Variants in ATP8B1 observed in about 807,000 individuals in gnomAD.
ATP8B1 encodes ATPase phospholipid transporting 8B1.
ATP8B1 carries 80 observed loss-of-function variants against 149.9 expected under a neutral mutation model. The ratio of observed to expected loss-of-function variants is 0.53; its 90% CI spans 0.45 to 0.64. ATP8B1 has a LOEUF of 0.64. Ranked by LOEUF, ATP8B1 falls within the 30% of genes least tolerant of loss-of-function variation. ATP8B1 has a pLI of 0.00. For synonymous variants in ATP8B1, 536 were observed against 562.8 expected, an observed-to-expected ratio of 0.95 and a Z score of 0.67; for missense variants, 1,247 against 1,552.6, an observed-to-expected ratio of 0.80 and a Z score of 3.31.
intron 20 of ATP8B1, among the ~76,000 whole-genome samples, chr18:57,664,782 TC>T (rs1342667541): frequency 6.6e-6 from 1 of 152,132 alleles, no homozygotes; most frequent in Non-Finnish European, 1.5e-5. Context: ...AATAAGGAAA[TC>T]AAGCCAGAGG....
chr18:57,771,249 C>T (rs980941098), intron 1 of ATP8B1, among the ~76,000 whole-genome samples: 2 of 152,206 alleles, frequency 1.3e-5, no homozygotes, highest in Non-Finnish European at 2.9e-5. Flanking sequence ...TATATCACAA[C>T]CACCTCCTAA....
intron 2 of ATP8B1, among the ~76,000 whole-genome samples, chr18:57,727,970 C>T (rs1312230038): frequency 6.6e-6 from 1 of 152,152 alleles, no homozygotes; most frequent in Non-Finnish European, 1.5e-5. Flanking sequence ...TAAAGTTACT[C>T]CACTCGAACC....
rs1256839040 is a variant in ATP8B1 at position 57,691,991 on chromosome 18, C to A, written c.1036G>T (p.Val346Phe). 4.3e-6 allele frequency: 7 copies of A among 1,612,518 alleles called. No homozygotes were observed. The highest frequency in any genetic ancestry group is 5.9e-6 in the Non-Finnish European group (7 of 1,179,386). ...CCAGCAGAAAGCAGAATAAGAACAA[C>A]AAAGATCTAGAAGACAGAAAACATT... ...LMNYMVYTIF[V>F]VLILLSAGLA... Residue 346 changes from valine to phenylalanine, a missense_variant, in exon 12 of 28, where the codon GTT (valine) becomes TTT (phenylalanine). Val to Phe is a conservative substitution (Grantham distance 50). Coordinates refer to ENST00000648908, the MANE Select transcript of ATP8B1 (RefSeq NM_001374385.1).
At chr18:57,659,943 C>T (rs1229802114) in intron 22 of ATP8B1, 1 of 152,188 alleles carries the variant, frequency 6.6e-6, no homozygotes, top group African/African-American at 2.4e-5. Flanking sequence ...GGTAATACTT[C>T]AGCTCAGTGA....
In ATP8B1 at chr18:57,664,130, C is replaced by A. The variant is rs541820560; in HGVS notation, c.2286-1515G>T. On this transcript the variant is annotated intron_variant, in intron 20 of 27. Coordinates refer to ENST00000648908, the MANE Select transcript of ATP8B1 (RefSeq NM_001374385.1). Reference sequence around the variant, plus strand: ...TTTTACTATGTCTCGATTCATCCACCATGGGGGTACCATGTAATTCATCAT... The same window carrying A: ...TTTTACTATGTCTCGATTCATCCACAATGGGGGTACCATGTAATTCATCAT... Among the ~76,000 whole-genome samples the A allele has an allele frequency of 2.0e-5, 3 of 148,772 alleles. No homozygotes were observed. The South Asian group carries it at 6.4e-4, about 31-fold the overall frequency.
At chr18:57,798,491 G>A (rs2080540524) in intron 1 of ATP8B1, among the ~76,000 whole-genome samples, 1 of 152,124 alleles carries the variant, frequency 6.6e-6, no homozygotes, top group Admixed American at 6.6e-5. Context: ...AGCCACTTGA[G>A]AGCCTGAGGT....
At chr18:57,734,022 A>G (rs970117172) in intron 1 of ATP8B1, 24 of 152,190 alleles carry the variant, frequency 1.6e-4, no homozygotes, top group Admixed American at 6.6e-5. Flanking sequence ...ATCTCATATT[A>G]TAGGATAATG....
intron 20 of ATP8B1, 44 bp from the exon 21 acceptor site, chr18:57,662,659 A>G: frequency 2.5e-6 from 4 of 1,607,918 alleles, no homozygotes; most frequent in Non-Finnish European, 3.4e-6. Context: ...AAGACCCTAA[A>G]TAGGCCCTTG....
intron 1 of ATP8B1, among the ~76,000 whole-genome samples, chr18:57,733,426 G>C (rs140210290): frequency 9.9e-5 from 15 of 152,268 alleles, no homozygotes; most frequent in African/African-American, 3.1e-4. Flanking sequence ...ATTTAAGGCA[G>C]CCACGCACGG....
rs192822675 is a variant in ATP8B1 at position 57,696,817 on chromosome 18, G to A, written c.698+801C>T. ...ATTCGTCTCACATGGTCGTTTAGAG[G>A]ATTAAATGAGCTAATATGTAAAGTG... On this transcript the variant is annotated intron_variant, in intron 8 of 27. Transcript: ENST00000648908. Among the ~76,000 whole-genome samples the A allele has an allele frequency of 3.1e-3, 478 of 152,298 alleles. 5 individuals are homozygous for A. Among genetic ancestry groups the A allele is most frequent in the Non-Finnish European group, 4.3e-3 (293 of 68,018 alleles).
intron 1 of ATP8B1, among the ~76,000 whole-genome samples, chr18:57,790,546 G>A (rs1191773000): frequency 2.0e-5 from 3 of 151,856 alleles, no homozygotes; most frequent in Admixed American, 2.0e-4. Flanking sequence ...ACCCACCCCA[G>A]GGCCTTTGCA....
At chr18:57,704,381 G>C (rs1913281544) in intron 4 of ATP8B1, among the ~76,000 whole-genome samples, 174 bp downstream of exon 4, 1 of 152,104 alleles carries the variant, frequency 6.6e-6, no homozygotes, top group South Asian at 2.1e-4. Context: ...CCCTTTCCCT[G>C]TTCATATAAC....
At chr18:57,762,157 G>C (rs1480465511) in intron 1 of ATP8B1, among the ~76,000 whole-genome samples, 1 of 144,284 alleles carries the variant, frequency 6.9e-6, no homozygotes, top group African/African-American at 2.6e-5. Flanking sequence ...TTTTTCTTTT[G>C]AGACAGGGTC....
At position 57,770,067 on chromosome 18, in the gene ATP8B1, A is replaced by T. The variant is rs28612859; in HGVS notation, c.-26+32931T>A. Among the ~76,000 whole-genome samples, 498 of 134,016 alleles carry T rather than the reference A, an allele frequency of 3.7e-3. 3 individuals carry two copies. The highest frequency in any genetic ancestry group is 0.013 in the African/African-American group (467 of 35,844). 87.9% of individuals were successfully genotyped at this position (134,016 alleles called of 152,430 possible). ...CTCATGCTGAGAACTGCTGAACTGCATTTTTTTTTTTTTTTTTTTGAGACA... is the reference window on the plus strand; with the variant it reads ...CTCATGCTGAGAACTGCTGAACTGCTTTTTTTTTTTTTTTTTTTTGAGACA... On this transcript the variant is annotated intron_variant, in intron 1 of 27. Coordinates refer to ENST00000648908, the MANE Select transcript of ATP8B1 (RefSeq NM_001374385.1).
intron 4 of ATP8B1, among the ~76,000 whole-genome samples, chr18:57,702,775 T>G (rs1482751349): frequency 6.6e-6 from 1 of 151,414 alleles, no homozygotes. Context: ...GAGAATAGCT[T>G]GAACCTGGGA....
chr18:57,717,202 G>A (rs563199860), intron 2 of ATP8B1, among the ~76,000 whole-genome samples: 158 of 152,184 alleles, frequency 1.0e-3, no homozygotes, highest in Non-Finnish European at 1.7e-3. Context: ...ATAGCTATAC[G>A]TGCCTACATC....
At chr18:57,655,457 G>T (rs776121512) in intron 22 of ATP8B1, 40 bp from the exon 23 acceptor site, 8 of 1,558,430 alleles carry the variant, frequency 5.1e-6, no homozygotes, top group South Asian at 1.1e-5. Flanking sequence ...ATCATAAACC[G>T]ATTGTGAGGC....
rs1338421285 is a variant in ATP8B1, at chr18:57,802,213, T to C, written c.-26+785A>G. On this transcript the variant is annotated intron_variant, in intron 1 of 27. Coordinates refer to ENST00000648908, the MANE Select transcript of ATP8B1 (RefSeq NM_001374385.1). The surrounding 1 kb of genome is among the most constrained non-coding windows in gnomAD (Gnocchi z 4.9). ...GGGGTGTTAAAGCACTGGGCCATTC[T>C]CTGCAACATCTCCCCGCGCCCCCCA... is the stretch of plus-strand genomic sequence containing the variant. 2.0e-5 allele frequency among the ~76,000 whole-genome samples: 3 copies of C among 152,132 alleles called. No homozygotes were observed. The highest frequency in any genetic ancestry group is 7.2e-5 in the African/African-American group (3 of 41,424).
chr18:57,776,192 C>T (rs1392009349), intron 1 of ATP8B1, among the ~76,000 whole-genome samples: 1 of 152,082 alleles, frequency 6.6e-6, no homozygotes, highest in East Asian at 1.9e-4. Flanking sequence ...TGATTCAATT[C>T]CATTTGGAAC....
Sources: allele counts gnomAD v4.1 joint callset (sites outside exome capture counted in the v4.1 genomes callset), GRCh38; gene constraint gnomAD v4.1.1; non-coding constraint Gnocchi (gnomAD v3.1); transcripts MANE v1.5; gene names NCBI Gene and HGNC (gene_info 2026-07-23, HGNC 2026-07-21).